FAT3: variants seen among roughly 807,000 people sequenced by gnomAD.
FAT3 encodes FAT atypical cadherin 3, also known as protocadherin Fat 3.
In FAT3, 95 loss-of-function variants were observed where a neutral mutation model predicts 310.2. The ratio of observed to expected loss-of-function variants is 0.31; its 90% CI spans 0.26 to 0.36. The LOEUF (loss-of-function observed/expected upper bound fraction) is 0.36, where lower values mean the gene tolerates loss of function less well. Among genes scored for constraint, FAT3 ranks in the 10% least tolerant of loss-of-function variants. The probability of loss-of-function intolerance (pLI) is 1.00; values close to 1 mark genes in which losing one functional copy is unlikely to be tolerated. For synonymous variants in FAT3, 2,314 were observed against 2,192.9 expected, an observed-to-expected ratio of 1.06 and a Z score of -1.54; for missense variants, 5,408 against 5,715.6, an observed-to-expected ratio of 0.95 and a Z score of 1.74.
intron 2 of FAT3, among the ~76,000 whole-genome samples, chr11:92,384,644 G>T (rs1360630684): frequency 6.6e-6 from 1 of 152,172 alleles, no homozygotes; most frequent in Non-Finnish European, 1.5e-5. Context: ...GAAGACTGAT[G>T]TTTCAAAGGC....
At chr11:92,251,314 T>C (rs1865131345) in intron 1 of FAT3, among the ~76,000 whole-genome samples, 1 of 152,192 alleles carries the variant, frequency 6.6e-6, no homozygotes, top group Non-Finnish European at 1.5e-5. Context: ...AGAACCTAAA[T>C]GTGTTTTAGA....
At chr11:92,858,423 A>G (rs1949037093) in intron 20 of FAT3, among the ~76,000 whole-genome samples, 1 of 152,222 alleles carries the variant, frequency 6.6e-6, no homozygotes, top group Non-Finnish European at 1.5e-5. Flanking sequence ...CTTTCTATCT[A>G]GAAAACTTCT....
chr11:92,518,464 G>A (rs1481536355), intron 2 of FAT3, among the ~76,000 whole-genome samples: 1 of 151,978 alleles, frequency 6.6e-6, no homozygotes, highest in Non-Finnish European at 1.5e-5. Flanking sequence ...TGAACAATGA[G>A]AACACATGGA....
At chr11:92,419,929 G>T (rs1950501660) in intron 2 of FAT3, among the ~76,000 whole-genome samples, 1 of 152,166 alleles carries the variant, frequency 6.6e-6, no homozygotes, top group Admixed American at 6.5e-5. Flanking sequence ...TCTTCGGGAA[G>T]ATAGGAAATT....
At chr11:92,839,146 A>G (rs1302895054) in intron 17 of FAT3, among the ~76,000 whole-genome samples, 1 of 152,208 alleles carries the variant, frequency 6.6e-6, no homozygotes, top group East Asian at 1.9e-4. Flanking sequence ...GACACACATC[A>G]ATCAGCTTGA....
At chr11:92,523,403 C>A (rs668604) in intron 2 of FAT3, among the ~76,000 whole-genome samples, 151,172 of 152,286 alleles carry the variant, frequency 0.99, 75,049 homozygotes, top group East Asian at 1. Flanking sequence ...AACATCAATC[C>A]GGTTATCACC....
At chr11:92,610,533 T>C (rs1212523642) in intron 3 of FAT3, among the ~76,000 whole-genome samples, 1 of 152,176 alleles carries the variant, frequency 6.6e-6, no homozygotes, top group Non-Finnish European at 1.5e-5. Context: ...CTTTCAAGTG[T>C]CTTTTTTCAT....
intron 2 of FAT3, among the ~76,000 whole-genome samples, chr11:92,396,188 A>G (rs1331531475): frequency 2.0e-5 from 3 of 152,188 alleles, no homozygotes; most frequent in Admixed American, 6.5e-5. Context: ...TTCATGAGCC[A>G]GGCATTTTAC....
chr11:92,451,554 A>G (rs1951352159), intron 2 of FAT3, among the ~76,000 whole-genome samples: 1 of 152,198 alleles, frequency 6.6e-6, no homozygotes, highest in Non-Finnish European at 1.5e-5. Flanking sequence ...GAAAGACACA[A>G]ACCTTCTTGA....
At chr11:92,774,204 G>A (rs777062617) in intron 7 of FAT3, 24 bp downstream of exon 7, 1 of 1,585,456 alleles carries the variant, frequency 6.3e-7, no homozygotes, top group South Asian at 1.2e-5. Context: ...TTACTGAATA[G>A]CAGGAATGCT....
At chr11:92,678,528 T>A (rs1277174448) in intron 3 of FAT3, among the ~76,000 whole-genome samples, 1 of 152,154 alleles carries the variant, frequency 6.6e-6, no homozygotes, top group Non-Finnish European at 1.5e-5. Flanking sequence ...GCTGTTGCAC[T>A]GGGGATTAAG....
intron 2 of FAT3, among the ~76,000 whole-genome samples, chr11:92,517,569 A>T (rs536562): frequency 0.36 from 54,950 of 152,024 alleles, 11,009 homozygotes; most frequent in Middle Eastern, 0.54. Flanking sequence ...ATGGGCAAAG[A>T]CTTCATGACT....
At chr11:92,327,963 C>T (rs1451377944) in intron 1 of FAT3, among the ~76,000 whole-genome samples, 2 of 152,130 alleles carry the variant, frequency 1.3e-5, no homozygotes, top group African/African-American at 2.4e-5. Context: ...CCTGTGTCTA[C>T]CTTTCTTTTT....
intron 3 of FAT3, among the ~76,000 whole-genome samples, chr11:92,621,841 G>A (rs1041215111): frequency 4.6e-5 from 7 of 152,098 alleles, no homozygotes; most frequent in South Asian, 2.1e-4. Flanking sequence ...TGTTTTTCAC[G>A]CCACGATCAG....
intron 2 of FAT3, among the ~76,000 whole-genome samples, chr11:92,518,132 A>T (rs912184977): frequency 1.3e-5 from 2 of 152,142 alleles, no homozygotes; most frequent in Non-Finnish European, 2.9e-5. Context: ...TTTACTAGAC[A>T]TATACATTTT....
At chr11:92,526,899 CT>C (rs1462920086) in intron 3 of FAT3, among the ~76,000 whole-genome samples, 32 of 152,070 alleles carry the variant, frequency 2.1e-4, no homozygotes, top group Non-Finnish European at 1.5e-4. Context: ...GAAAATACTG[CT>C]TTTTTATCCA....
chr11:92,518,493 A>G (rs1260998126), intron 2 of FAT3, among the ~76,000 whole-genome samples: 1 of 152,080 alleles, frequency 6.6e-6, no homozygotes. Context: ...GGGTAACATC[A>G]CACACCAGGG....
intron 2 of FAT3, among the ~76,000 whole-genome samples, chr11:92,360,982 T>C (rs1948866408): frequency 6.6e-6 from 1 of 152,218 alleles, no homozygotes; most frequent in South Asian, 2.1e-4. Flanking sequence ...TACACATATG[T>C]ATTTGTCAGA....
intron 1 of FAT3, among the ~76,000 whole-genome samples, chr11:92,322,336 A>G (rs978622477): frequency 1.3e-5 from 2 of 152,232 alleles, no homozygotes; most frequent in Non-Finnish European, 2.9e-5. Flanking sequence ...GCTAAGGGTC[A>G]TCTGAGCCTT....
Sources: gnomAD v4.1 joint callset for allele counts (sites outside exome capture counted in the v4.1 genomes callset) on GRCh38, gnomAD v4.1.1 for gene constraint, MANE v1.5 for transcripts, NCBI Gene and HGNC (gene_info 2026-07-23, HGNC 2026-07-21) for gene names.